Variants in CCDC91 observed in about 807,000 individuals in gnomAD.
The protein encoded by CCDC91 is coiled-coil domain-containing protein 91.
In CCDC91, 48 loss-of-function variants were observed where a neutral mutation model predicts 63.2. The ratio of observed to expected loss-of-function variants is 0.76; its 90% CI spans 0.60 to 0.97. The LOEUF is 0.97. Ranked by LOEUF, CCDC91 falls within the 50% of genes least tolerant of loss-of-function variation. The probability of loss-of-function intolerance (pLI) is 0.00; values close to 1 mark genes in which losing one functional copy is unlikely to be tolerated. For synonymous variants in CCDC91, 167 were observed against 165.8 expected, an observed-to-expected ratio of 1.01 and a Z score of -0.06; for missense variants, 500 against 494.6, an observed-to-expected ratio of 1.01 and a Z score of -0.10.
chr12:28,501,619 T>C (rs531153876), intron 12 of CCDC91, among the ~76,000 whole-genome samples: 65 of 151,144 alleles, frequency 4.3e-4, no homozygotes, highest in African/African-American at 1.5e-3. Context: ...CAGTATTTTA[T>C]TGAGGATTTT....
intron 1 of CCDC91, among the ~76,000 whole-genome samples, chr12:28,230,582 A>G (rs573789287): frequency 6.6e-6 from 1 of 152,296 alleles, no homozygotes; most frequent in Non-Finnish European, 1.5e-5. Flanking sequence ...ATATACTGTT[A>G]TTAAACTGTA....
chr12:28,415,084 A>G (rs982547776), intron 8 of CCDC91, among the ~76,000 whole-genome samples: 4 of 152,158 alleles, frequency 2.6e-5, no homozygotes, highest in African/African-American at 9.6e-5. Context: ...TGGTAATATT[A>G]TGGGCTAAGG....
chr12:28,547,547 T>TA lies in CCDC91; in HGVS notation c.1216-1515dup, dbSNP rs1943076195. On this transcript the variant is annotated intron_variant, in intron 12 of 12. Coordinates refer to ENST00000536442, the MANE Select transcript of CCDC91 (RefSeq NM_018318.5). ...ACAAGATTTCTGCGTACCTGGGTCTTACATTCTAAGATCTCTTTTGTTTAA... is the reference window on the plus strand; with the variant it reads ...ACAAGATTTCTGCGTACCTGGGTCTTAACATTCTAAGATCTCTTTTGTTTAA... Among the ~76,000 whole-genome samples the TA allele has an allele frequency of 3.3e-5, 5 of 152,140 alleles. No individual in the cohort carries two copies. In the South Asian group the frequency reaches 8.3e-4, roughly 25 times the overall value.
intron 3 of CCDC91, among the ~76,000 whole-genome samples, chr12:28,274,109 A>G (rs1592169617): frequency 6.6e-6 from 1 of 152,032 alleles, no homozygotes; most frequent in African/African-American, 2.4e-5. Flanking sequence ...TCGTTTCCCC[A>G]TTTCTTGTTT....
intron 6 of CCDC91, among the ~76,000 whole-genome samples, chr12:28,360,612 CT>C (rs1943817884): frequency 6.6e-6 from 1 of 152,094 alleles, no homozygotes; most frequent in Non-Finnish European, 1.5e-5. Flanking sequence ...GAGATGTATT[CT>C]TTATGTCACT....
intron 8 of CCDC91, among the ~76,000 whole-genome samples, chr12:28,435,103 A>AT (rs932477419): frequency 3.3e-5 from 5 of 150,348 alleles, no homozygotes; most frequent in African/African-American, 9.8e-5. Flanking sequence ...GGTTTTGTTG[A>AT]TTTTTTTTCC....
At chr12:28,424,839 T>A (rs2139977572) in intron 8 of CCDC91, among the ~76,000 whole-genome samples, 1 of 152,280 alleles carries the variant, frequency 6.6e-6, no homozygotes, top group East Asian at 1.9e-4. Flanking sequence ...TAGTCAAAGA[T>A]TTACTCTATG....
chr12:28,219,821 A>G (rs1161695913), intron 1 of CCDC91, among the ~76,000 whole-genome samples: 1 of 152,134 alleles, frequency 6.6e-6, no homozygotes, highest in African/African-American at 2.4e-5. Context: ...CTTAGGAGAT[A>G]TGTATACATT....
At chr12:28,491,776 A>T (rs1399190641) in intron 12 of CCDC91, among the ~76,000 whole-genome samples, 1 of 151,700 alleles carries the variant, frequency 6.6e-6, no homozygotes, top group Non-Finnish European at 1.5e-5. Flanking sequence ...TAAAGCTCAG[A>T]TTATTGGGGG....
At chr12:28,288,939 A>G (rs977681607) in intron 3 of CCDC91, among the ~76,000 whole-genome samples, 2 of 152,202 alleles carry the variant, frequency 1.3e-5, no homozygotes, top group South Asian at 2.1e-4. Flanking sequence ...GAATTTATCC[A>G]TTTCTTCTAG....
At chr12:28,318,655 A>C (rs372555179) in intron 6 of CCDC91, among the ~76,000 whole-genome samples, 2 of 152,174 alleles carry the variant, frequency 1.3e-5, no homozygotes, top group East Asian at 1.9e-4. Context: ...GAGAATTAAC[A>C]ATATAGGTAC....
chr12:28,301,867 A>T (rs1565760415), intron 3 of CCDC91, among the ~76,000 whole-genome samples: 2 of 150,888 alleles, frequency 1.3e-5, no homozygotes, highest in South Asian at 2.1e-4. Context: ...TTGCTTACTA[A>T]TTTTTTCTGT....
chr12:28,522,079 G>T (rs1940741850), intron 12 of CCDC91, among the ~76,000 whole-genome samples: 1 of 152,124 alleles, frequency 6.6e-6, no homozygotes, highest in African/African-American at 2.4e-5. Context: ...GGATGATGCT[G>T]GCCTCATAAA....
chr12:28,268,830 G>C (rs1230926488), intron 3 of CCDC91: 2 of 170,580 alleles, frequency 1.2e-5, no homozygotes, highest in Admixed American at 6.6e-5. Flanking sequence ...TCAAGTGTCT[G>C]GTATGGAGGT....
chr12:28,467,282 A>G lies in CCDC91; in HGVS notation c.1101+14628A>G, dbSNP rs577767508. Among the ~76,000 whole-genome samples the G allele has an allele frequency of 5.9e-5, 9 of 152,236 alleles. No individual in the cohort carries two copies. The South Asian group carries it at 1.4e-3, about 25-fold the overall frequency. On this transcript the variant is annotated intron_variant, in intron 11 of 12. Coordinates refer to ENST00000536442, the MANE Select transcript of CCDC91 (RefSeq NM_018318.5). Reference sequence around the variant, plus strand: ...AAAAAGGGATGGAAAAAGATATTCCATGCCAGTGGAAACCAAAAATGAGCA... The same window carrying G: ...AAAAAGGGATGGAAAAAGATATTCCGTGCCAGTGGAAACCAAAAATGAGCA...
intron 6 of CCDC91, among the ~76,000 whole-genome samples, chr12:28,324,973 CATA>C (rs1940850639): frequency 6.6e-6 from 1 of 151,646 alleles, no homozygotes; most frequent in Non-Finnish European, 1.5e-5. Context: ...CACTTGGAAG[CATA>C]ATAATGAAGC....
At chr12:28,418,560 A>C (rs1438446772) in intron 8 of CCDC91, among the ~76,000 whole-genome samples, 1 of 152,110 alleles carries the variant, frequency 6.6e-6, no homozygotes, top group Non-Finnish European at 1.5e-5. Flanking sequence ...TTGGGATATA[A>C]TCTCAAAGCA....
chr12:28,262,931 C>G (rs1433648443), intron 3 of CCDC91, among the ~76,000 whole-genome samples: 1 of 151,958 alleles, frequency 6.6e-6, no homozygotes, highest in Non-Finnish European at 1.5e-5. Flanking sequence ...TAAGCATTTT[C>G]CTCTCTGTTT....
At chr12:28,395,216 A>G (rs576754182) in intron 8 of CCDC91, among the ~76,000 whole-genome samples, 2 of 152,188 alleles carry the variant, frequency 1.3e-5, no homozygotes, top group African/African-American at 2.4e-5. Context: ...TACTGTTTCA[A>G]CTTACACTTT....
Sources: allele counts gnomAD v4.1 joint callset (sites outside exome capture counted in the v4.1 genomes callset), GRCh38; gene constraint gnomAD v4.1.1; transcripts MANE v1.5; gene names NCBI Gene and HGNC (gene_info 2026-07-23, HGNC 2026-07-21).